FANCM: variants seen among roughly 807,000 people sequenced by gnomAD.
The protein encoded by FANCM is Fanconi anemia group M protein.
A neutral mutation model predicts 199.5 loss-of-function variants in FANCM; 140 were observed. That is an observed-to-expected ratio of 0.70 (90% CI 0.61 to 0.81). The LOEUF (loss-of-function observed/expected upper bound fraction) is 0.81. FANCM is among the 30% of genes least tolerant of loss of function. The probability of loss-of-function intolerance (pLI) is 0.00; values close to 1 mark genes in which losing one functional copy is unlikely to be tolerated. For missense variants in FANCM, 2,410 were observed against 2,421.4 expected (o/e 1.00, Z 0.10); for synonymous variants, 840 against 836.8 (o/e 1.00, Z -0.07).
chr14:45,166,441 A>G (rs1887983275), intron 10 of FANCM, among the ~76,000 whole-genome samples: 1 of 152,048 alleles, frequency 6.6e-6, no homozygotes, highest in Admixed American at 6.5e-5. Flanking sequence ...CCAGCCTGAA[A>G]TGATTTCCAT....
In FANCM at chr14:45,178,908, A is replaced by G. The variant is rs117808475; in HGVS notation, c.4222+1932A>G. Among the ~76,000 whole-genome samples the G allele has an allele frequency of 4.2e-3, 637 of 152,132 alleles. 26 individuals are homozygous for G. In the East Asian group the frequency reaches 0.1, roughly 24 times the overall value. ...GGATCTGTGAGGAGCTTCTTTAAAA[A>G]CCTTAATGGGCCTGGCGCAATGGCT... On this transcript the variant is annotated intron_variant, in intron 14 of 22. Transcript: ENST00000267430.
At chr14:45,177,109 T>TA (rs1338371420) in intron 14 of FANCM, 133 bp downstream of exon 14, 1 of 625,492 alleles carries the variant, frequency 1.6e-6, no homozygotes, top group East Asian at 2.8e-5. Flanking sequence ...ATTGATGTGT[T>TA]ATATTTTTCT....
intron 19 of FANCM, 52 bp from the exon 20 acceptor site, chr14:45,188,750 A>C: frequency 7.6e-7 from 1 of 1,308,918 alleles, no homozygotes; most frequent in South Asian, 1.2e-5. Flanking sequence ...TATTTTAAAT[A>C]CCTGTTAATT....
Position 45,164,519 on chromosome 14 carries a change from G to C in FANCM, c.1742G>C (p.Arg581Pro). Reference protein sequence around the residue: ...VQRMGRTGRKRQGRIVIILSE... With the variant: ...VQRMGRTGRKPQGRIVIILSE... ...CGAATGGGTAGAACTGGCCGTAAAC[G>C]TCAAGGCAGGATAGTTATTATCCTT... Residue 581 changes from arginine to proline, a missense_variant, in exon 10 of 23, where the codon CGT becomes CCT. Physicochemically the swap from Arg to Pro is moderately radical, Grantham distance 103. Transcript: ENST00000267430. 1 of 1,613,612 alleles carries C rather than the reference G, an allele frequency of 6.2e-7. No homozygotes were observed. Among genetic ancestry groups the C allele is most frequent in the Non-Finnish European group, 8.5e-7 (1 of 1,179,994 alleles).
Position 45,136,029 on chromosome 14 carries a change from C to T in FANCM, c.-3C>T, listed in dbSNP as rs767218455. On this transcript the variant is annotated 5_prime_UTR_variant, in exon 1 of 23. Transcript: ENST00000267430. ...ACAGAAGCCTTCGGTGGTTGTCGGC[C>T]TAATGAGCGGACGGCAAAGAACGCT... is the stretch of plus-strand genomic sequence containing the variant. 3 of 1,613,144 alleles carry T rather than the reference C, an allele frequency of 1.9e-6. No individual in the cohort carries two copies. The highest frequency in any genetic ancestry group is 2.2e-5 in the South Asian group (2 of 91,056).
At position 45,148,837 on chromosome 14, in the gene FANCM, G is replaced by C. The variant is rs141336758; in HGVS notation, c.760G>C (p.Ala254Pro). ...LSATPGSDIK[A>P]VQQVITNLLI... ...ATCATACTTAATTGATTTCATATAG[G>C]CTGTGCAACAAGTTATTACTAACCT... The change falls in exon 4 of 23, where the codon GCT becomes CCT. Residue 254 changes from alanine to proline, a missense_variant and splice_region_variant. By Grantham distance (27) the Ala-to-Pro change is conservative. Transcript: ENST00000267430. 1.2e-6 allele frequency: 2 copies of C among 1,600,310 alleles called. No individual in the cohort carries two copies. The highest frequency in any genetic ancestry group is 2.2e-5 in the South Asian group (2 of 90,744).
chr14:45,181,627 C>T lies in FANCM; in HGVS notation c.4318-10C>T. On this transcript the variant is annotated splice_polypyrimidine_tract_variant and intron_variant, in intron 15 of 22. Coordinates refer to ENST00000267430, the MANE Select transcript of FANCM (RefSeq NM_020937.4). ...CTTTTGTTGCCTTTTACTTTATTTA[C>T]TTACTTTAGGATCAGAAAAATAGTG... 6.2e-7 allele frequency: 1 copy of T among 1,606,042 alleles called. No individual in the cohort carries two copies. Among genetic ancestry groups the T allele is most frequent in the Non-Finnish European group, 8.5e-7 (1 of 1,173,096 alleles).
intron 4 of FANCM, among the ~76,000 whole-genome samples, chr14:45,150,680 C>CT (rs1430024029): frequency 1.2e-4 from 18 of 152,162 alleles, no homozygotes; most frequent in African/African-American, 3.4e-4. Flanking sequence ...CAAAGAGAGT[C>CT]TTTGTTCACC....
In FANCM at chr14:45,175,616, T is replaced by G; in HGVS notation, c.2862T>G (p.Ser954=). 1 of 1,613,650 alleles carries G rather than the reference T, an allele frequency of 6.2e-7. No homozygotes were observed. The highest frequency in any genetic ancestry group is 2.2e-5 in the East Asian group (1 of 44,846). The change falls in exon 14 of 23, where the codon TCT becomes TCG. Residue 954 remains serine, a synonymous_variant. Transcript: ENST00000267430. Reference sequence around the variant, plus strand: ...ATAACAGTTTCAATGATGAAAAATCTGTTTCATCTAACTTATTTCTTCCAT... The same window carrying G: ...ATAACAGTTTCAATGATGAAAAATCGGTTTCATCTAACTTATTTCTTCCAT... ...SGYNSFNDEK[S]VSSNLFLPFE... is the part of the protein sequence containing the mutation.
At chr14:45,174,828 G>A (rs1888559534) in intron 13 of FANCM, among the ~76,000 whole-genome samples, 1 of 151,878 alleles carries the variant, frequency 6.6e-6, no homozygotes, top group African/African-American at 2.4e-5. Flanking sequence ...AGTTACCAAG[G>A]GTCTTTTGGG....
intron 8 of FANCM, among the ~76,000 whole-genome samples, chr14:45,157,793 T>G (rs1887302049): frequency 6.6e-6 from 1 of 152,226 alleles, no homozygotes; most frequent in Non-Finnish European, 1.5e-5. Flanking sequence ...AAATTAACTT[T>G]ATATTTAATA....
intron 3 of FANCM, among the ~76,000 whole-genome samples, chr14:45,147,905 C>T (rs192279028): frequency 2.8e-5 from 4 of 143,852 alleles, no homozygotes; most frequent in African/African-American, 5.4e-5. Flanking sequence ...CCGCCCCCCC[C>T]CCAAAAAAAA....
chr14:45,195,755 TTCTGGTTA>T (rs1890020851), intron 20 of FANCM, among the ~76,000 whole-genome samples: 1 of 152,224 alleles, frequency 6.6e-6, no homozygotes, highest in South Asian at 2.1e-4. Context: ...TGGAGATACT[TTCTGGTTA>T]TCTGATCTTC....
Position 45,159,119 on chromosome 14 carries a change from C to A in FANCM, c.1420C>A (p.Arg474Ser). ...AGCTGAAAACACTACTGAAAAGAAA[C>A]GTGATGAGACCCGAGTTATGATCTT... is the stretch of plus-strand genomic sequence containing the variant. Reference protein sequence around the residue: ...WNAENTTEKKRDETRVMIFSS... With the variant: ...WNAENTTEKKSDETRVMIFSS... The change falls in exon 9 of 23, where the codon CGT becomes AGT. Residue 474 changes from arginine to serine, a missense_variant. Arg to Ser is a moderately radical substitution (Grantham distance 110). Transcript: ENST00000267430. 1.2e-6 allele frequency: 2 copies of A among 1,608,824 alleles called. No homozygotes were observed. The highest frequency in any genetic ancestry group is 1.7e-6 in the Non-Finnish European group (2 of 1,176,072).
intron 20 of FANCM, among the ~76,000 whole-genome samples, chr14:45,194,323 A>G (rs1889940502): frequency 1.3e-5 from 2 of 151,916 alleles, no homozygotes; most frequent in African/African-American, 4.8e-5. Context: ...AAACAAAAAA[A>G]AACCAAACAA....
intron 9 of FANCM, among the ~76,000 whole-genome samples, chr14:45,163,544 C>T (rs1326167019): frequency 6.6e-6 from 1 of 152,190 alleles, no homozygotes; most frequent in African/African-American, 2.4e-5. Context: ...AACTCCTTCT[C>T]ACGCTATTGT....
intron 10 of FANCM, among the ~76,000 whole-genome samples, chr14:45,165,612 G>T (rs940280961): frequency 4.6e-5 from 7 of 152,106 alleles, no homozygotes; most frequent in Admixed American, 4.6e-4. Flanking sequence ...CCTGAAAAAT[G>T]AATTATTTCT....
chr14:45,154,850 T>C (rs1220963483), intron 7 of FANCM, 28 bp downstream of exon 7: 1 of 1,592,470 alleles, frequency 6.3e-7, no homozygotes, highest in South Asian at 1.1e-5. Flanking sequence ...AAATTATGTA[T>C]TGTGTTGTGT....
chr14:45,164,912 T>C (rs1029875400), intron 10 of FANCM, among the ~76,000 whole-genome samples: 1 of 152,224 alleles, frequency 6.6e-6, no homozygotes, highest in Non-Finnish European at 1.5e-5. Context: ...TGAACTATAG[T>C]AAACTGAGAA....
Sources: gnomAD v4.1 joint callset for allele counts (sites outside exome capture counted in the v4.1 genomes callset) on GRCh38, gnomAD v4.1.1 for gene constraint, MANE v1.5 for transcripts, NCBI Gene and HGNC (gene_info 2026-07-23, HGNC 2026-07-21) for gene names.